Variants in SGSM1 observed in about 807,000 individuals in gnomAD.
SGSM1 encodes the protein small G protein signaling modulator 1.
SGSM1 carries 73 observed loss-of-function variants against 133.8 expected under a neutral mutation model. The ratio of observed to expected loss-of-function variants is 0.55; its 90% CI spans 0.45 to 0.66. The LOEUF is 0.66. Among genes scored for constraint, SGSM1 ranks in the 30% least tolerant of loss-of-function variants. SGSM1 has a pLI of 0.00. For synonymous variants in SGSM1, 563 were observed against 573.0 expected (o/e 0.98, Z 0.25); for missense variants, 1,213 against 1,448.1 (o/e 0.84, Z 2.64).
At chr22:24,809,648 CT>C (rs1927617191) in intron 2 of SGSM1, among the ~76,000 whole-genome samples, 1 of 152,224 alleles carries the variant, frequency 6.6e-6, no homozygotes, top group Non-Finnish European at 1.5e-5. Context: ...TGTTTATTTA[CT>C]GAGGGCTGTG....
In SGSM1 at chr22:24,898,260, G is replaced by T. The variant is rs773963986; in HGVS notation, c.2311G>T (p.Ala771Ser). The T allele has an allele frequency of 1.9e-6, 3 of 1,613,688 alleles. No homozygotes were observed. The highest frequency in any genetic ancestry group is 2.5e-6 in the Non-Finnish European group (3 of 1,179,786). Residue 771 changes from alanine to serine, a missense_variant, in exon 19 of 25, where the codon GCT becomes TCT. Physicochemically the swap from Ala to Ser is moderately conservative, Grantham distance 99. Transcript: ENST00000400358. ...CGAGGCCACCACATCTCAGGATGAG[G>T]CTCCCCGGGAGGAGCTGGCCGTGCA... ...SSEATTSQDE[A>S]PREELAVQDS...
chr22:24,815,466 G>C (rs1928008551), intron 2 of SGSM1, among the ~76,000 whole-genome samples: 1 of 152,202 alleles, frequency 6.6e-6, no homozygotes, highest in Non-Finnish European at 1.5e-5. Context: ...AGAGGGGCTG[G>C]GTGCAGTGGC....
At chr22:24,841,925 C>G (rs940951976) in intron 2 of SGSM1, among the ~76,000 whole-genome samples, 1 of 152,160 alleles carries the variant, frequency 6.6e-6, no homozygotes, top group African/African-American at 2.4e-5. Context: ...AGGATTTGAA[C>G]CCAGGTCTGT....
chr22:24,896,622 T>C (rs1181857616), intron 18 of SGSM1, among the ~76,000 whole-genome samples: 1 of 143,724 alleles, frequency 7.0e-6, no homozygotes, highest in Non-Finnish European at 1.5e-5. Context: ...ATTTTTTGTT[T>C]TTTGGTTTTT....
At chr22:24,874,558 A>G in intron 12 of SGSM1, 3 of 1,605,056 alleles carry the variant, frequency 1.9e-6, no homozygotes, top group Non-Finnish European at 2.6e-6. Flanking sequence ...CCCCACGCCA[A>G]GCCCGAAGGA....
chr22:24,910,383 A>G (rs1933574651), intron 21 of SGSM1, among the ~76,000 whole-genome samples: 1 of 152,150 alleles, frequency 6.6e-6, no homozygotes, highest in Non-Finnish European at 1.5e-5. Flanking sequence ...GCTGGGTGCA[A>G]TGGCTCACAC....
chr22:24,921,385 C>T (rs922195065), intron 24 of SGSM1, among the ~76,000 whole-genome samples: 11 of 152,200 alleles, frequency 7.2e-5, no homozygotes, highest in African/African-American at 2.7e-4. Context: ...TAGGTGTGAG[C>T]CACTGTGCCC....
intron 14 of SGSM1, among the ~76,000 whole-genome samples, chr22:24,882,448 A>G (rs1032670013): frequency 7.2e-5 from 11 of 152,178 alleles, no homozygotes; most frequent in African/African-American, 1.9e-4. Context: ...TGATAGATGT[A>G]TCCATTGTGT....
At chr22:24,893,367 G>C in intron 16 of SGSM1, 64 bp from the exon 17 acceptor site, 1 of 1,562,272 alleles carries the variant, frequency 6.4e-7, no homozygotes, top group Non-Finnish European at 8.7e-7. Flanking sequence ...CTTCCACGTT[G>C]GTCTGGCCCT....
intron 8 of SGSM1, 184 bp downstream of exon 8, chr22:24,855,864 T>G (rs1270605381): frequency 8.2e-6 from 7 of 854,054 alleles, no homozygotes; most frequent in Non-Finnish European, 1.3e-5. Flanking sequence ...CATCCTTACA[T>G]CCATCCATCC....
chr22:24,819,410 C>A (rs1372418209), intron 2 of SGSM1, among the ~76,000 whole-genome samples: 1 of 152,190 alleles, frequency 6.6e-6, no homozygotes, highest in Non-Finnish European at 1.5e-5. Context: ...AAAAGCCTAT[C>A]CTGTTCCAGA....
intron 2 of SGSM1, chr22:24,813,660 G>A (rs910642644): frequency 8.3e-5 from 9 of 108,602 alleles, no homozygotes; most frequent in African/African-American, 2.4e-4. Context: ...CACCCGATGC[G>A]TTTTGATGCT....
intron 3 of SGSM1, 116 bp from the exon 4 acceptor site, chr22:24,847,518 G>T (rs1367917370): frequency 7.7e-7 from 1 of 1,301,340 alleles, no homozygotes; most frequent in African/African-American, 1.5e-5. Context: ...TAAGACAGAA[G>T]GTAAGAAGAT....
At chr22:24,836,373 T>C (rs968897298) in intron 2 of SGSM1, among the ~76,000 whole-genome samples, 5 of 152,264 alleles carry the variant, frequency 3.3e-5, no homozygotes, top group Non-Finnish European at 7.3e-5. Context: ...CTTGGGTTGT[T>C]TCCACCTTTT....
intron 16 of SGSM1, among the ~76,000 whole-genome samples, chr22:24,888,496 G>A (rs192340996): frequency 7.2e-5 from 11 of 152,232 alleles, no homozygotes; most frequent in South Asian, 4.2e-4. Flanking sequence ...GGCCGGGCAC[G>A]GTGGCTCACG....
intron 21 of SGSM1, among the ~76,000 whole-genome samples, chr22:24,907,903 C>T (rs892432999): frequency 5.0e-5 from 5 of 99,344 alleles, no homozygotes; most frequent in East Asian, 6.3e-4. Context: ...CAGAGCAAGA[C>T]GCCATCTCAA....
intron 12 of SGSM1, among the ~76,000 whole-genome samples, chr22:24,874,875 G>A (rs1238849645): frequency 6.6e-6 from 1 of 152,240 alleles, no homozygotes; most frequent in African/African-American, 2.4e-5. Context: ...CCTGAGATTG[G>A]CTAAGAACTG....
In SGSM1 at chr22:24,901,839, C is replaced by T. The variant is rs759689604; in HGVS notation, c.2617C>T (p.Leu873=). ...CTGCCCCGATGGCCTATAGCCAGAG[C>T]TGCTGGATCTGTACACGGTGAACCT... ...SSSGVTYSPE[L]LDLYTVNLHR... is the part of the protein sequence containing the mutation. Residue 873 remains leucine, a synonymous_variant, in exon 20 of 25, where the codon CTG becomes TTG. Transcript: ENST00000400358. The T allele has an allele frequency of 1.1e-5, 18 of 1,612,782 alleles. No homozygotes were observed. The highest frequency in any genetic ancestry group is 1.4e-5 in the Non-Finnish European group (17 of 1,179,548).
In SGSM1 at chr22:24,915,085, T is replaced by C. The variant is rs537116872; in HGVS notation, c.2928+2333T>C. Among the ~76,000 whole-genome samples the C allele has an allele frequency of 7.9e-5, 12 of 152,206 alleles. No homozygotes were observed. The South Asian group carries it at 1.2e-3, about 16-fold the overall frequency. ...CTACTAAAAATACGAAGAAATTAGC[T>C]GGGCGCGGTGGCGGGCGCCTGTAGT... is the stretch of plus-strand genomic sequence containing the variant. On this transcript the variant is annotated intron_variant, in intron 22 of 24. Transcript: ENST00000400358.
Sources: gnomAD v4.1 joint callset for allele counts (sites outside exome capture counted in the v4.1 genomes callset) on GRCh38, gnomAD v4.1.1 for gene constraint, MANE v1.5 for transcripts, NCBI Gene and HGNC (gene_info 2026-07-23, HGNC 2026-07-21) for gene names.